The following CTDSPL2 variants were observed in gnomAD, a reference collection of about 807,000 sequenced individuals.
CTDSPL2 encodes CTD small phosphatase-like protein 2.
Under a neutral mutation model 60.0 loss-of-function variants are expected in CTDSPL2, and 5 were observed. The ratio of observed to expected loss-of-function variants is 0.08; its 90% confidence interval spans 0.04 to 0.18. CTDSPL2 has a LOEUF of 0.18. Ranked by LOEUF, CTDSPL2 falls within the 10% of genes least tolerant of loss-of-function variation. The pLI is 1.00. For synonymous variants in CTDSPL2, 186 were observed against 189.3 expected (o/e 0.98, Z 0.14); for missense variants, 370 against 548.8 (o/e 0.67, Z 3.26).
At chr15:44,457,830 T>C (rs1028857599) in intron 1 of CTDSPL2, among the ~76,000 whole-genome samples, 3 of 152,246 alleles carry the variant, frequency 2.0e-5, no homozygotes, top group Non-Finnish European at 4.4e-5. Flanking sequence ...CAGGCTAGTC[T>C]GGAACTCCTG....
chr15:44,460,721 G>C lies in CTDSPL2; in HGVS notation c.186+1521G>C, dbSNP rs919766289. On this transcript the variant is annotated intron_variant, in intron 2 of 12. Transcript: ENST00000260327. ...GTGGTTTTATTTTTTGTTTTTGTTT[G>C]TTTCTAATACTATAATTTCTTTGTT... Among the ~76,000 whole-genome samples the C allele has an allele frequency of 2.6e-5, 4 of 151,860 alleles. 1 individual carries two copies. Among genetic ancestry groups the C allele is most frequent in the Non-Finnish European group, 4.4e-5 (3 of 67,950 alleles).
chr15:44,483,404 G>A (rs1049085960), intron 2 of CTDSPL2, among the ~76,000 whole-genome samples: 1 of 151,988 alleles, frequency 6.6e-6, no homozygotes, highest in African/African-American at 2.4e-5. Flanking sequence ...TGGGCATGGT[G>A]GTGGGCGCCT....
chr15:44,484,173 T>A (rs2081078293), intron 2 of CTDSPL2, 51 bp from the exon 3 acceptor site: 1 of 1,500,308 alleles, frequency 6.7e-7, no homozygotes, highest in African/African-American at 1.4e-5. Flanking sequence ...TTGTAACCTG[T>A]AAGGCAGAAT....
intron 1 of CTDSPL2, among the ~76,000 whole-genome samples, chr15:44,428,380 A>G (rs2079790733): frequency 6.6e-6 from 1 of 152,194 alleles, no homozygotes; most frequent in Non-Finnish European, 1.5e-5. Context: ...TAAAGAGTGA[A>G]CCTTATTATC....
rs779499255 is a variant in CTDSPL2 at position 44,459,005 on chromosome 15, C to G, written c.-10C>G. On this transcript the variant is annotated 5_prime_UTR_variant, in exon 2 of 13. Coordinates refer to ENST00000260327, the MANE Select transcript of CTDSPL2 (RefSeq NM_016396.3). ...TTCTCTTTTAGTTTTACATGTGGCACCCATAAAAGATGAGGCTGAGAACAC... is the reference window on the plus strand; with the variant it reads ...TTCTCTTTTAGTTTTACATGTGGCAGCCATAAAAGATGAGGCTGAGAACAC... 19 of 1,513,772 alleles carry G rather than the reference C, an allele frequency of 1.3e-5. No individual in the cohort carries two copies. The highest frequency in any genetic ancestry group is 3.6e-4 in the Middle Eastern group (2 of 5,620). 93.8% of individuals were successfully genotyped at this position (1,513,772 alleles called of 1,614,324 possible).
chr15:44,440,199 G>GT (rs34781077), intron 1 of CTDSPL2, among the ~76,000 whole-genome samples: 12,389 of 140,616 alleles, frequency 0.088, 1,031 homozygotes, highest in African/African-American at 0.21. Flanking sequence ...TTGTTTTTGT[G>GT]TTTTTTTTTT....
intron 4 of CTDSPL2, among the ~76,000 whole-genome samples, chr15:44,487,212 G>A (rs1189600240): frequency 6.6e-6 from 1 of 152,064 alleles, no homozygotes; most frequent in Non-Finnish European, 1.5e-5. Flanking sequence ...TGAACTCTTC[G>A]GGAAGCCAAG....
chr15:44,489,139 C>G (rs1313885661), intron 4 of CTDSPL2, among the ~76,000 whole-genome samples: 1 of 148,504 alleles, frequency 6.7e-6, no homozygotes, highest in Non-Finnish European at 1.5e-5. Flanking sequence ...CTTCCCCCCT[C>G]CCCCCCACCT....
chr15:44,502,126 TA>T (rs1239979232), intron 8 of CTDSPL2: 2 of 254,678 alleles, frequency 7.9e-6, no homozygotes, highest in African/African-American at 4.6e-5. Context: ...AAGTACTGCA[TA>T]TACTCTTATT....
rs199558968 is a variant in CTDSPL2, at chr15:44,430,820, C to CT, written c.-25+3058dup. On this transcript the variant is annotated intron_variant, in intron 1 of 12. Transcript: ENST00000260327. ...ATTGGCTACAGGGGGTCATTTGCTA[C>CT]TTTTTTTTTTGTTTTTTTGAGACGG... Among the ~76,000 whole-genome samples the CT allele has an allele frequency of 4.9e-4, 73 of 147,756 alleles. No individual in the cohort carries two copies. The South Asian group carries it at 5.8e-3, about 12-fold the overall frequency.
chr15:44,501,194 C>T (rs1444459317), intron 8 of CTDSPL2, among the ~76,000 whole-genome samples: 2 of 151,694 alleles, frequency 1.3e-5, no homozygotes, highest in Admixed American at 6.6e-5. Flanking sequence ...GGGTGTTTTT[C>T]GTGATTGCAT....
chr15:44,487,820 A>C (rs561906045), intron 4 of CTDSPL2, among the ~76,000 whole-genome samples: 3 of 152,288 alleles, frequency 2.0e-5, no homozygotes, highest in Admixed American at 2.0e-4. Context: ...TTTTATTAAG[A>C]AAGTAAAGGA....
intron 1 of CTDSPL2, among the ~76,000 whole-genome samples, chr15:44,441,763 A>G (rs1429120542): frequency 6.6e-6 from 1 of 151,904 alleles, no homozygotes; most frequent in Non-Finnish European, 1.5e-5. Context: ...TTTTGTTGTT[A>G]GGCTGGTGGT....
chr15:44,486,045 A>T (rs1231505715), intron 3 of CTDSPL2, among the ~76,000 whole-genome samples: 1 of 152,218 alleles, frequency 6.6e-6, no homozygotes, highest in Admixed American at 6.6e-5. Flanking sequence ...ATGGCGTCTC[A>T]GTGTCCATAA....
intron 1 of CTDSPL2, among the ~76,000 whole-genome samples, chr15:44,437,445 A>G (rs2080000522): frequency 6.6e-6 from 1 of 152,246 alleles, no homozygotes; most frequent in African/African-American, 2.4e-5. Context: ...ATTTGAAACC[A>G]TAATTGTCTG....
chr15:44,495,992 C>T (rs950820720), intron 5 of CTDSPL2, among the ~76,000 whole-genome samples: 1 of 151,854 alleles, frequency 6.6e-6, no homozygotes, highest in African/African-American at 2.4e-5. Context: ...TTACTGACTG[C>T]GTGTATGTAC....
chr15:44,521,233 TTTGTTTA>T (rs1174010695), intron 11 of CTDSPL2, 71 bp from the exon 12 acceptor site: 190 of 691,338 alleles, frequency 2.7e-4, no homozygotes, highest in Non-Finnish European at 4.3e-4. Flanking sequence ...TTAATAAATC[TTTGTTTA>T]TTTTTTAACT....
chr15:44,521,127 A>T, intron 11 of CTDSPL2, 184 bp from the exon 12 acceptor site: 1 of 346,272 alleles, frequency 2.9e-6, no homozygotes, highest in Non-Finnish European at 5.2e-6. Flanking sequence ...ATAGGCTTCA[A>T]TTTATTTCCT....
intron 1 of CTDSPL2, among the ~76,000 whole-genome samples, chr15:44,456,828 T>G (rs2080453485): frequency 6.7e-6 from 1 of 148,212 alleles, no homozygotes; most frequent in South Asian, 2.1e-4. Context: ...ATTTTAATTG[T>G]GATGTTAGGG....
Sources: gnomAD v4.1 joint callset for allele counts (sites outside exome capture counted in the v4.1 genomes callset) on GRCh38, gnomAD v4.1.1 for gene constraint, MANE v1.5 for transcripts, NCBI Gene and HGNC (gene_info 2026-07-23, HGNC 2026-07-21) for gene names.